The following PDE11A variants were observed in gnomAD, a reference collection of about 807,000 sequenced individuals.
PDE11A encodes the protein phosphodiesterase 11A, also known as dual 3',5'-cyclic-AMP and -GMP phosphodiesterase 11A.
In PDE11A, 100 loss-of-function variants were observed where a neutral mutation model predicts 100.5. That is an observed-to-expected ratio of 1.00 (90% confidence interval 0.85 to 1.18). The LOEUF (loss-of-function observed/expected upper bound fraction) is 1.18, where lower values mean the gene tolerates loss of function less well. Among genes scored for constraint, PDE11A ranks in the 50% most tolerant of loss-of-function variants. The pLI is 0.00. For missense variants in PDE11A, 1,141 were observed against 1,152.6 expected, an observed-to-expected ratio of 0.99 and a Z score of 0.15; for synonymous variants, 381 against 420.8, an observed-to-expected ratio of 0.91 and a Z score of 1.16.
Position 177,817,771 on chromosome 2 carries a change from T to C in PDE11A, c.1644+87A>G. 4.2e-6 allele frequency: 3 copies of C among 721,572 alleles called. No homozygotes were observed. In the South Asian group the frequency reaches 4.4e-5, roughly 11 times the overall value. The allele number at this position is 721,572 out of a possible 1,614,324, so 44.7% of individuals were successfully genotyped here. On this transcript the variant is annotated intron_variant, in intron 8 of 19. Coordinates refer to ENST00000286063, the MANE Select transcript of PDE11A (RefSeq NM_016953.4). ...CCATTTAAGTATAATAATAATTGAC[T>C]AATAATTGTTTGTCTTTCAAATTTG...
Position 177,910,447 on chromosome 2 carries a change from C to T in PDE11A, c.1072-5260G>A, listed in dbSNP as rs779708992. 1.5e-3 allele frequency among the ~76,000 whole-genome samples: 212 copies of T among 145,516 alleles called. 1 individual carries two copies. Among genetic ancestry groups the T allele is most frequent in the African/African-American group, 3.7e-3 (148 of 39,904 alleles). ...CTCTCTCTATATATATATATATATA[C>T]ACACACACACATATATATATTGCTC... On this transcript the variant is annotated intron_variant, in intron 2 of 19. Coordinates refer to ENST00000286063, the MANE Select transcript of PDE11A (RefSeq NM_016953.4).
chr2:177,888,190 G>A (rs1013833265), intron 4 of PDE11A, among the ~76,000 whole-genome samples: 1 of 152,142 alleles, frequency 6.6e-6, no homozygotes, highest in Non-Finnish European at 1.5e-5. Flanking sequence ...TCAAGAATAA[G>A]CAAGCCAGTT....
intron 5 of PDE11A, among the ~76,000 whole-genome samples, chr2:177,846,581 G>C (rs2083605556): frequency 6.6e-6 from 1 of 152,128 alleles, no homozygotes. Context: ...TTTCTCTTTT[G>C]CAATTGGTTG....
intron 13 of PDE11A, among the ~76,000 whole-genome samples, chr2:177,710,396 GAC>G (rs1466806183): frequency 6.6e-6 from 1 of 152,138 alleles, no homozygotes; most frequent in African/African-American, 2.4e-5. Flanking sequence ...GGTTTTGGAA[GAC>G]ACAAGTTTGG....
intron 6 of PDE11A, among the ~76,000 whole-genome samples, chr2:177,839,664 A>G (rs1196880987): frequency 6.6e-6 from 1 of 152,120 alleles, no homozygotes; most frequent in Non-Finnish European, 1.5e-5. Context: ...TACTCTTCAG[A>G]CTTCAGCTGG....
chr2:177,942,526 C>G (rs1443129241), intron 2 of PDE11A, among the ~76,000 whole-genome samples: 1 of 152,044 alleles, frequency 6.6e-6, no homozygotes, highest in Non-Finnish European at 1.5e-5. Context: ...CCTCAGCCTC[C>G]CAAGTAGCTG....
At chr2:177,656,368 A>G (rs2080383616) in intron 19 of PDE11A, among the ~76,000 whole-genome samples, 1 of 152,242 alleles carries the variant, frequency 6.6e-6, no homozygotes, top group Non-Finnish European at 1.5e-5. Context: ...TATCCCATAT[A>G]GCCTAGGTGT....
intron 5 of PDE11A, among the ~76,000 whole-genome samples, chr2:177,861,738 G>A (rs550915083): frequency 6.6e-6 from 1 of 152,032 alleles, no homozygotes; most frequent in South Asian, 2.1e-4. Context: ...GATTAATGGA[G>A]TAGAGTTGAG....
chr2:177,815,577 C>A (rs1466768736), intron 9 of PDE11A, among the ~76,000 whole-genome samples: 1 of 152,104 alleles, frequency 6.6e-6, no homozygotes, highest in Non-Finnish European at 1.5e-5. Flanking sequence ...TTCCCTCCCA[C>A]CCTCCATTCA....
Position 177,937,597 on chromosome 2 carries a change from G to A in PDE11A, c.1072-32410C>T, listed in dbSNP as rs543974125. Among the ~76,000 whole-genome samples, 10 of 152,298 alleles carry A rather than the reference G, an allele frequency of 6.6e-5. 1 individual carries two copies. The South Asian group carries it at 8.3e-4, about 13-fold the overall frequency. ...CTTTCAAAGTGCTGGAATTACAGGC[G>A]TGAGCCACCGCGTCCAGGCCTCTTG... On this transcript the variant is annotated intron_variant, in intron 2 of 19. Transcript: ENST00000286063.
intron 10 of PDE11A, among the ~76,000 whole-genome samples, chr2:177,765,525 ATCAGCT>A (rs1012546859): frequency 3.3e-5 from 5 of 152,172 alleles, no homozygotes; most frequent in African/African-American, 1.2e-4. Flanking sequence ...CATCGATGCC[ATCAGCT>A]TCTGCTGGTC....
At position 177,817,604 on chromosome 2, in the gene PDE11A, TG is replaced by T. The variant is rs201333364; in HGVS notation, c.1644+253del. Among the ~76,000 whole-genome samples, 128 of 152,186 alleles carry T rather than the reference TG, an allele frequency of 8.4e-4. 2 individuals are homozygous for T. In the East Asian group the frequency reaches 0.019, roughly 22 times the overall value. ...AGACAAGAATAAGAAAATAGCACTT[TG>T]GGGAAAAGAGAGGGTAATTCTGTAA... On this transcript the variant is annotated intron_variant, in intron 8 of 19. Transcript: ENST00000286063.
intron 2 of PDE11A, among the ~76,000 whole-genome samples, chr2:177,931,233 CTATTT>C (rs1164701491): frequency 1.3e-5 from 2 of 152,220 alleles, no homozygotes; most frequent in East Asian, 1.9e-4. Flanking sequence ...TGTCAACGTT[CTATTT>C]TATTTATTTT....
chr2:177,701,748 C>G (rs1332840884), intron 13 of PDE11A, among the ~76,000 whole-genome samples: 1 of 152,172 alleles, frequency 6.6e-6, no homozygotes, highest in Admixed American at 6.5e-5. Flanking sequence ...TGTGAATATT[C>G]TGCAGAGTGC....
At chr2:177,738,099 A>G (rs547001904) in intron 10 of PDE11A, among the ~76,000 whole-genome samples, 2 of 151,752 alleles carry the variant, frequency 1.3e-5, no homozygotes, top group African/African-American at 4.8e-5. Flanking sequence ...AATATAGGTG[A>G]GTCAAGTTGC....
At chr2:177,824,246 G>C (rs2105592989) in intron 6 of PDE11A, among the ~76,000 whole-genome samples, 1 of 152,306 alleles carries the variant, frequency 6.6e-6, no homozygotes, top group South Asian at 2.1e-4. Context: ...ACTCCAAATG[G>C]ACACACATTA....
intron 4 of PDE11A, among the ~76,000 whole-genome samples, chr2:177,881,266 C>A (rs765143940): frequency 3.3e-5 from 5 of 152,086 alleles, no homozygotes; most frequent in Admixed American, 1.3e-4. Context: ...AACTGTGGGA[C>A]TTCTTAGCTT....
chr2:177,965,275 T>G (rs1213460696), intron 2 of PDE11A, among the ~76,000 whole-genome samples: 1 of 152,258 alleles, frequency 6.6e-6, no homozygotes, highest in Non-Finnish European at 1.5e-5. Flanking sequence ...GTTAGGCCTT[T>G]GTCAGATGCA....
intron 13 of PDE11A, among the ~76,000 whole-genome samples, chr2:177,704,795 G>C (rs1363735876): frequency 1.3e-5 from 2 of 152,202 alleles, no homozygotes; most frequent in Non-Finnish European, 2.9e-5. Flanking sequence ...TTGTGATTTT[G>C]TGGGAGGGGA....
Sources: gnomAD v4.1 joint callset for allele counts (sites outside exome capture counted in the v4.1 genomes callset) on GRCh38, gnomAD v4.1.1 for gene constraint, MANE v1.5 for transcripts, NCBI Gene and HGNC (gene_info 2026-07-23, HGNC 2026-07-21) for gene names.